The following REST variants were observed in gnomAD, a reference collection of about 807,000 sequenced individuals.
REST encodes the protein RE1-silencing transcription factor.
REST carries 1 observed loss-of-function variant against 30.4 expected under a neutral mutation model. The ratio of observed to expected loss-of-function variants is 0.03; its 90% confidence interval spans 0.01 to 0.16. REST has a LOEUF of 0.16. REST is among the 10% of genes least tolerant of loss of function. The pLI, the probability that REST is intolerant of heterozygous loss-of-function variation, is 1.00. For synonymous variants in REST, 504 were observed against 451.1 expected (o/e 1.12, Z -1.49); for missense variants, 1,259 against 1,329.5 (o/e 0.95, Z 0.82).
chr4:56,911,379 C>A lies in REST; in HGVS notation c.741C>A (p.Val247=). ...HHTRAGDNER[V]YKCIICTYTT... is the part of the protein sequence containing the mutation. ...CCAGAGCTGGGGATAATGAGCGAGTCTACAAGTGTATCATTTGCACATACA... is the reference window on the plus strand; with the variant it reads ...CCAGAGCTGGGGATAATGAGCGAGTATACAAGTGTATCATTTGCACATACA... The change falls in exon 2 of 4, where the codon GTC becomes GTA. Residue 247 remains valine, a synonymous_variant. Coordinates refer to ENST00000309042, the MANE Select transcript of REST (RefSeq NM_005612.5). 1 of 1,614,188 alleles carries A rather than the reference C, an allele frequency of 6.2e-7. No homozygotes were observed. The highest frequency in any genetic ancestry group is 1.1e-5 in the South Asian group (1 of 91,078).
At chr4:56,912,791 C>T (rs926314923) in intron 2 of REST, among the ~76,000 whole-genome samples, 6 of 151,152 alleles carry the variant, frequency 4.0e-5, no homozygotes, top group African/African-American at 9.7e-5. Context: ...GGATTACAGG[C>T]GTGAGTGCCA....
chr4:56,911,171 T>A lies in REST; in HGVS notation c.533T>A (p.Ile178Asn). ...TCTGAAGAACAGTTTGTGCATCACA[T>A]CAGAGTTCACAGTGCTAAGAAATTT... ...AESEEQFVHH[I>N]RVHSAKKFFV... Residue 178 changes from isoleucine to asparagine, a missense_variant, in exon 2 of 4, where the codon ATC (isoleucine) becomes AAC (asparagine). This residue lies in a region of REST where 249 missense variants were observed against 251.5 expected (regional missense o/e 0.99). Transcript: ENST00000309042. The A allele has an allele frequency of 6.2e-7, 1 of 1,614,168 alleles. No homozygotes were observed. The highest frequency in any genetic ancestry group is 8.5e-7 in the Non-Finnish European group (1 of 1,180,040).
rs539480483 is a variant in REST at position 56,931,110 on chromosome 4, C to T, written c.2252C>T (p.Pro751Leu). The T allele has an allele frequency of 6.9e-6, 11 of 1,598,332 alleles. No individual in the cohort carries two copies. In the African/African-American group the frequency reaches 1.3e-4, roughly 20 times the overall value. ...GAGCCTGTTCAGATAGAGCTGTCTC[C>T]TCCCATGGAGGTGGTCCAGAAGGAA... ...QKEPVQIELS[P>L]PMEVVQKEPV... The change falls in exon 4 of 4, where the codon CCT (proline) becomes CTT (leucine). Residue 751 changes from proline to leucine, a missense_variant. Transcript: ENST00000309042.
chr4:56,924,491 TCTCA>T (rs1328676953), intron 3 of REST, among the ~76,000 whole-genome samples: 1 of 152,218 alleles, frequency 6.6e-6, no homozygotes, highest in Non-Finnish European at 1.5e-5. Context: ...TGAGGTGGGA[TCTCA>T]CTCTGTCACT....
chr4:56,915,963 C>G (rs907875105), intron 2 of REST, among the ~76,000 whole-genome samples: 1 of 152,164 alleles, frequency 6.6e-6, no homozygotes, highest in Non-Finnish European at 1.5e-5. Flanking sequence ...AGCCGTTCCA[C>G]GATGGCTCAC....
intron 2 of REST, among the ~76,000 whole-genome samples, chr4:56,917,809 TG>T (rs1190493851): frequency 6.6e-6 from 1 of 152,142 alleles, no homozygotes; most frequent in African/African-American, 2.4e-5. Context: ...CCCAGCACTT[TG>T]GGAGGCCGAG....
Position 56,929,415 on chromosome 4 carries a change from A to G in REST, c.983-426A>G, listed in dbSNP as rs1043296683. ...CAGTCCTTCTGCCATGGCCTCCCAGAGAGTTGAGGTTATAGTTGTGAGCCA... is the reference window on the plus strand; with the variant it reads ...CAGTCCTTCTGCCATGGCCTCCCAGGGAGTTGAGGTTATAGTTGTGAGCCA... On this transcript the variant is annotated intron_variant, in intron 3 of 3. Transcript: ENST00000309042. 4.6e-5 allele frequency among the ~76,000 whole-genome samples: 7 copies of G among 152,158 alleles called. No individual in the cohort carries two copies. The East Asian group carries it at 1.3e-3, about 29-fold the overall frequency.
In REST at chr4:56,908,009, C is replaced by CGG. The variant is rs1719698837; in HGVS notation, c.-214_-213insGG. 1 of 366,868 alleles carries CGG rather than the reference C, an allele frequency of 2.7e-6. No homozygotes were observed. The highest frequency in any genetic ancestry group is 4.9e-6 in the Non-Finnish European group (1 of 205,822). The allele number at this position is 366,868 out of a possible 1,614,324, so 22.7% of individuals were successfully genotyped here. On this transcript the variant is annotated 5_prime_UTR_variant, in exon 1 of 4. An upstream open reading frame in the 5' UTR loses its in-frame stop. Transcript: ENST00000309042. ...GGGCCCCAGACCCTGGCGGCGGCTG[C>CGG]CGCAGCCGAGACGGCAGGGCGAGGC...
At chr4:56,921,705 C>T (rs551110775) in intron 3 of REST, among the ~76,000 whole-genome samples, 52 of 152,198 alleles carry the variant, frequency 3.4e-4, no homozygotes, top group South Asian at 1.2e-3. Context: ...CCACCGCGCC[C>T]GGCCACAGAT....
chr4:56,931,439 T>TC lies in REST; in HGVS notation c.2582dup (p.Pro862ThrfsTer26). 6.2e-7 allele frequency: 1 copy of TC among 1,614,182 alleles called. No homozygotes were observed. The highest frequency in any genetic ancestry group is 8.5e-7 in the Non-Finnish European group (1 of 1,180,040). ...GGAAAGTGTAAGCACAGAGGATCTC[T>TC]CACCACCATCACCACCACTGCCAAA... On this transcript the variant is annotated frameshift_variant, in exon 4 of 4. Coordinates refer to ENST00000309042, the MANE Select transcript of REST (RefSeq NM_005612.5). LOFTEE classifies it low-confidence loss of function (END_TRUNC).
At chr4:56,910,284 A>G (rs1719835641) in intron 1 of REST, among the ~76,000 whole-genome samples, 1 of 152,244 alleles carries the variant, frequency 6.6e-6, no homozygotes, top group South Asian at 2.1e-4. Context: ...AATTTTTAAA[A>G]TAATTTTAAC....
chr4:56,929,599 T>C (rs1720873266), intron 3 of REST, among the ~76,000 whole-genome samples: 1 of 151,876 alleles, frequency 6.6e-6, no homozygotes, highest in Non-Finnish European at 1.5e-5. Flanking sequence ...TCTTTAGTAG[T>C]GCTTGAGGAC....
chr4:56,914,482 C>T (rs1038102216), intron 2 of REST, among the ~76,000 whole-genome samples: 19 of 152,058 alleles, frequency 1.2e-4, no homozygotes, highest in Non-Finnish European at 4.4e-5. Context: ...TGCTTTGAAA[C>T]CATTCGATTT....
rs1720925578 is a variant in REST, at chr4:56,930,773, A to G, written c.1915A>G (p.Met639Val). ...EPPPPMEHAQ[M>V]EGAQIRPAPD... The stretch of plus-strand genomic sequence containing the variant: ...GCCACCTCCCATGGAGCATGCTCAG[A>G]TGGAGGGTGCCCAGATACGGCCTGC... The change falls in exon 4 of 4, where the codon ATG becomes GTG. Residue 639 changes from methionine to valine, a missense_variant. This residue lies in a region of REST where 856 missense variants were observed against 772.8 expected (regional missense o/e 1.11). Coordinates refer to ENST00000309042, the MANE Select transcript of REST (RefSeq NM_005612.5). 5 of 1,605,210 alleles carry G rather than the reference A, an allele frequency of 3.1e-6. No individual in the cohort carries two copies. In the Admixed American group the frequency reaches 6.9e-5, roughly 22 times the overall value.
rs1721011367 is a variant in REST at position 56,932,490 on chromosome 4, T to C, written c.*338T>C. The stretch of plus-strand genomic sequence containing the variant: ...CTTATCTTCCTGTTTCACTTTAGTT[T>C]ATTCTTCGTTTTTTATTGAGATCTA... On this transcript the variant is annotated 3_prime_UTR_variant, in exon 4 of 4. Transcript: ENST00000309042. 5.7e-6 allele frequency: 1 copy of C among 176,088 alleles called. No homozygotes were observed. Among genetic ancestry groups the C allele is most frequent in the African/African-American group, 2.4e-5 (1 of 42,448 alleles). The allele number at this position is 176,088 out of a possible 1,614,324, so 10.9% of individuals were successfully genotyped here. A position where few individuals can be genotyped will look rare whatever the true frequency, so the allele number is the denominator to read the frequency against.
intron 2 of REST, among the ~76,000 whole-genome samples, chr4:56,911,901 C>T (rs906059251): frequency 6.6e-6 from 1 of 152,166 alleles, no homozygotes; most frequent in East Asian, 1.9e-4. Context: ...GGCGTAAGGA[C>T]TGCCTGAGCC....
In REST at chr4:56,932,989, A is replaced by G. The variant is rs1721027092; in HGVS notation, c.*837A>G. 6.6e-6 allele frequency: 1 copy of G among 152,180 alleles called. No homozygotes were observed. Among genetic ancestry groups the G allele is most frequent in the Non-Finnish European group, 1.5e-5 (1 of 68,024 alleles). The allele number at this position is 152,180 out of a possible 1,614,324, so 9.4% of individuals were successfully genotyped here. A position where few individuals can be genotyped will look rare whatever the true frequency, so the allele number is the denominator to read the frequency against. On this transcript the variant is annotated 3_prime_UTR_variant, in exon 4 of 4. Coordinates refer to ENST00000309042, the MANE Select transcript of REST (RefSeq NM_005612.5). ...CTGCAGTTGTCTATTTTGCAGAATA[A>G]TAGTGTGTGCAAGTTTGTGAGCAAA...
intron 2 of REST, among the ~76,000 whole-genome samples, chr4:56,914,046 G>A (rs1484085026): frequency 1.3e-5 from 2 of 151,706 alleles, no homozygotes; most frequent in African/African-American, 2.4e-5. Flanking sequence ...TGACCCTCTC[G>A]CCTCAGTCCC....
At chr4:56,929,660 CT>C (rs1471512395) in intron 3 of REST, among the ~76,000 whole-genome samples, 180 bp from the exon 4 acceptor site, 1 of 152,154 alleles carries the variant, frequency 6.6e-6, no homozygotes, top group Non-Finnish European at 1.5e-5. Context: ...TTATTCCTCT[CT>C]TTTGAGAATC....
Sources: allele counts gnomAD v4.1 joint callset (sites outside exome capture counted in the v4.1 genomes callset), GRCh38; gene constraint gnomAD v4.1.1; regional missense constraint gnomAD v4.1.1; transcripts MANE v1.5; gene names NCBI Gene and HGNC (gene_info 2026-07-23, HGNC 2026-07-21).